PAPSS1: variants seen among roughly 807,000 people sequenced by gnomAD.
PAPSS1 encodes bifunctional 3'-phosphoadenosine 5'-phosphosulfate synthase 1.
PAPSS1 carries 50 observed loss-of-function variants against 72.0 expected under a neutral mutation model. That is an observed-to-expected ratio of 0.69 (90% CI 0.55 to 0.88). The LOEUF is 0.88. PAPSS1 is among the 40% of genes least tolerant of loss of function. The pLI is 0.00. For synonymous variants in PAPSS1, 261 were observed against 263.6 expected, an observed-to-expected ratio of 0.99 and a Z score of 0.09; for missense variants, 657 against 782.2, an observed-to-expected ratio of 0.84 and a Z score of 1.91.
At chr4:107,666,860 T>G (rs1055552339) in intron 5 of PAPSS1, among the ~76,000 whole-genome samples, 5 of 152,220 alleles carry the variant, frequency 3.3e-5, no homozygotes, top group Admixed American at 2.0e-4. Context: ...AAAACTGGTA[T>G]ACAATTGGAA....
chr4:107,620,306 T>C lies in PAPSS1; in HGVS notation c.1737-5919A>G, dbSNP rs191025535. ...ATCAAACATAGTATACATCAAAACA[T>C]TAAGCATTCTTAAGACTGGGATTAA... On this transcript the variant is annotated intron_variant, in intron 11 of 11. Coordinates refer to ENST00000265174, the MANE Select transcript of PAPSS1 (RefSeq NM_005443.5). Among the ~76,000 whole-genome samples the C allele has an allele frequency of 1.2e-3, 177 of 152,310 alleles. 4 individuals carry two copies. The highest frequency in any genetic ancestry group is 0.012 in the Admixed American group (177 of 15,298).
At chr4:107,715,780 A>C (rs1443292227) in intron 1 of PAPSS1, among the ~76,000 whole-genome samples, 2 of 152,240 alleles carry the variant, frequency 1.3e-5, no homozygotes, top group Non-Finnish European at 2.9e-5. Flanking sequence ...GCTAATAAAT[A>C]ATTAGAACAA....
At chr4:107,614,506 G>T in intron 11 of PAPSS1, 119 bp from the exon 12 acceptor site, 1 of 663,032 alleles carries the variant, frequency 1.5e-6, no homozygotes, top group Non-Finnish European at 2.4e-6. Flanking sequence ...ACTGAACATA[G>T]TACTTGTGAA....
rs917431940 is a variant in PAPSS1 at position 107,640,839 on chromosome 4, C to G, written c.1506+3963G>C. On this transcript the variant is annotated intron_variant, in intron 10 of 11. Coordinates refer to ENST00000265174, the MANE Select transcript of PAPSS1 (RefSeq NM_005443.5). ...TTCCTGAAAAGAACCACATCTCTTA[C>G]GCTCACAATTCACACTCCAGACAGA... Among the ~76,000 whole-genome samples the G allele has an allele frequency of 5.9e-5, 9 of 152,308 alleles. No homozygotes were observed. The East Asian group carries it at 7.7e-4, about 13-fold the overall frequency.
chr4:107,684,717 C>T (rs1265683658), intron 4 of PAPSS1, among the ~76,000 whole-genome samples: 4 of 152,114 alleles, frequency 2.6e-5, no homozygotes, highest in East Asian at 1.9e-4. Context: ...AGAAGCTCCC[C>T]GCACCACCTG....
At chr4:107,709,912 T>C (rs563414044) in intron 1 of PAPSS1, among the ~76,000 whole-genome samples, 1 of 152,336 alleles carries the variant, frequency 6.6e-6, no homozygotes, top group Admixed American at 6.5e-5. Flanking sequence ...CTTTCTCTAT[T>C]GCAATTACCC....
intron 6 of PAPSS1, among the ~76,000 whole-genome samples, chr4:107,659,662 C>G (rs1727117039): frequency 6.6e-6 from 1 of 151,986 alleles, no homozygotes. Context: ...ATTCCTTGAC[C>G]TTTTAGAACC....
At chr4:107,630,776 TG>T (rs1194182303) in intron 11 of PAPSS1, among the ~76,000 whole-genome samples, 17 of 152,188 alleles carry the variant, frequency 1.1e-4, no homozygotes, top group Admixed American at 1.1e-3. Flanking sequence ...ACTAGTCCTG[TG>T]ACCTTATACA....
intron 5 of PAPSS1, among the ~76,000 whole-genome samples, chr4:107,663,296 T>G (rs3805344): frequency 0.85 from 128,843 of 152,082 alleles, 56,010 homozygotes; most frequent in South Asian, 0.97. Flanking sequence ...GAGGGCAAAG[T>G]CTTTTTATAT....
chr4:107,634,695 T>G (rs548885062), intron 10 of PAPSS1, among the ~76,000 whole-genome samples: 16 of 151,794 alleles, frequency 1.1e-4, no homozygotes, highest in Non-Finnish European at 2.1e-4. Context: ...ATATGAACCA[T>G]AAGATTTTGT....
At chr4:107,687,730 G>T (rs1722823559) in intron 3 of PAPSS1, among the ~76,000 whole-genome samples, 1 of 152,016 alleles carries the variant, frequency 6.6e-6, no homozygotes, top group Non-Finnish European at 1.5e-5. Flanking sequence ...TCTGTCCTTT[G>T]GAACAATGTT....
At chr4:107,720,051 G>A in intron 1 of PAPSS1, 69 bp downstream of exon 1, 1 of 1,538,486 alleles carries the variant, frequency 6.5e-7, no homozygotes. Context: ...GAGAGAGGCG[G>A]CGGCTCCGGA....
At position 107,659,951 on chromosome 4, in the gene PAPSS1, G is replaced by A; in HGVS notation, c.783+8C>T. 1 of 1,467,568 alleles carries A rather than the reference G, an allele frequency of 6.8e-7. No individual in the cohort carries two copies. The highest frequency in any genetic ancestry group is 9.5e-7 in the Non-Finnish European group (1 of 1,049,962). The allele number at this position is 1,467,568 out of a possible 1,614,324, so 90.9% of individuals were successfully genotyped here. A position where few individuals can be genotyped will look rare whatever the true frequency, so the allele number is the denominator to read the frequency against. On this transcript the variant is annotated splice_region_variant and intron_variant, in intron 6 of 11. Transcript: ENST00000265174. Reference sequence around the variant, plus strand: ...ATCACTTAGTGTGAAAAGCAACGAAGAACTTACTTTATTAATTTTCAGTGC... The same window carrying A: ...ATCACTTAGTGTGAAAAGCAACGAAAAACTTACTTTATTAATTTTCAGTGC...
At chr4:107,685,386 A>G (rs987194707) in intron 4 of PAPSS1, among the ~76,000 whole-genome samples, 1 of 152,124 alleles carries the variant, frequency 6.6e-6, no homozygotes, top group Non-Finnish European at 1.5e-5. Context: ...CCATTCTTTC[A>G]AAAACAACAA....
chr4:107,673,087 T>C (rs1324791324), intron 5 of PAPSS1, among the ~76,000 whole-genome samples: 1 of 151,934 alleles, frequency 6.6e-6, no homozygotes, highest in East Asian at 1.9e-4. Flanking sequence ...AGACCAAAGG[T>C]AGATAAAACC....
chr4:107,629,386 G>A (rs1186721261), intron 11 of PAPSS1, among the ~76,000 whole-genome samples: 4 of 152,178 alleles, frequency 2.6e-5, no homozygotes, highest in South Asian at 2.1e-4. Flanking sequence ...AATTAATCTT[G>A]CCCATGCCCA....
At chr4:107,690,011 A>G (rs751947022) in intron 3 of PAPSS1, among the ~76,000 whole-genome samples, 2 of 152,022 alleles carry the variant, frequency 1.3e-5, no homozygotes, top group African/African-American at 2.4e-5. Context: ...ATATGCCCCC[A>G]TCTTTACTAG....
At chr4:107,699,568 C>G (rs554914981) in intron 2 of PAPSS1, among the ~76,000 whole-genome samples, 1 of 152,170 alleles carries the variant, frequency 6.6e-6, no homozygotes, top group African/African-American at 2.4e-5. Context: ...GGATCTGTCC[C>G]TCACACTATA....
intron 9 of PAPSS1, 60 bp from the exon 10 acceptor site, chr4:107,645,130 G>A: frequency 1.5e-6 from 2 of 1,319,058 alleles, no homozygotes; most frequent in Non-Finnish European, 2.0e-6. Context: ...CTTTCCAAAG[G>A]ATACGCAATT....
Sources: allele counts gnomAD v4.1 joint callset (sites outside exome capture counted in the v4.1 genomes callset), GRCh38; gene constraint gnomAD v4.1.1; transcripts MANE v1.5; gene names NCBI Gene and HGNC (gene_info 2026-07-23, HGNC 2026-07-21).